The following CNTNAP2 variants were observed in gnomAD, a reference collection of about 807,000 sequenced individuals.
CNTNAP2 encodes contactin associated protein 2.
CNTNAP2 carries 98 observed loss-of-function variants against 155.2 expected under a neutral mutation model. The observed-to-expected ratio is 0.63, with a 90% CI of 0.54 to 0.75. CNTNAP2 has a LOEUF of 0.75. CNTNAP2 is among the 30% of genes least tolerant of loss of function. CNTNAP2 has a pLI of 0.00. For missense variants in CNTNAP2, 1,727 were observed against 1,688.1 expected, an observed-to-expected ratio of 1.02 and a Z score of -0.40; for synonymous variants, 651 against 631.2, an observed-to-expected ratio of 1.03 and a Z score of -0.47.
intron 1 of CNTNAP2, among the ~76,000 whole-genome samples, chr7:146,319,810 G>A (rs546263823): frequency 5.3e-5 from 8 of 152,234 alleles, no homozygotes; most frequent in African/African-American, 1.7e-4. Context: ...TCTGGGCTGT[G>A]TCTGCATTCC....
At chr7:146,672,333 T>C (rs2533076) in intron 1 of CNTNAP2, among the ~76,000 whole-genome samples, 7,513 of 152,312 alleles carry the variant, frequency 0.049, 671 homozygotes, top group African/African-American at 0.17. Flanking sequence ...AGTTGTTTCC[T>C]TGTCCTTCGA....
intron 3 of CNTNAP2, among the ~76,000 whole-genome samples, chr7:147,005,757 T>A (rs1422134386): frequency 1.3e-5 from 2 of 152,098 alleles, no homozygotes; most frequent in African/African-American, 4.8e-5. Context: ...AAGCCACCCT[T>A]GCAAATGGAA....
At chr7:147,708,857 TCTC>T (rs1437548508) in intron 13 of CNTNAP2, among the ~76,000 whole-genome samples, 2 of 152,190 alleles carry the variant, frequency 1.3e-5, no homozygotes, top group Non-Finnish European at 2.9e-5. Context: ...TTTTTGTTCT[TCTC>T]TGTGTAAGAG....
Position 147,132,434 on chromosome 7 carries a change from G to A in CNTNAP2, c.1273G>A (p.Asp425Asn), listed in dbSNP as rs796052373. 1.9e-6 allele frequency: 3 copies of A among 1,613,602 alleles called. No individual in the cohort carries two copies. The highest frequency in any genetic ancestry group is 1.7e-6 in the Non-Finnish European group (2 of 1,179,748). Residue 425 changes from aspartate to asparagine, a missense_variant, in exon 8 of 24, where the codon GAC becomes AAC. Coordinates refer to ENST00000361727, the MANE Select transcript of CNTNAP2 (RefSeq NM_014141.6). ...FADNLGNVEI[D>N]LTESKVGVHI... ...GGATAATTTGGGCAATGTGGAGATT[G>A]ACCTCACTGAAAGCAAAGTGGGTGT...
At chr7:148,287,975 A>G (rs1204663358) in intron 21 of CNTNAP2, among the ~76,000 whole-genome samples, 1 of 151,180 alleles carries the variant, frequency 6.6e-6, no homozygotes, top group Non-Finnish European at 1.5e-5. Flanking sequence ...TATTTTTACT[A>G]GAGATGGGGT....
intron 13 of CNTNAP2, among the ~76,000 whole-genome samples, chr7:147,883,329 G>GAC (rs1215304079): frequency 2.0e-5 from 3 of 152,244 alleles, no homozygotes; most frequent in African/African-American, 7.2e-5. Flanking sequence ...GACAGTGTAA[G>GAC]ACACAAGTAG....
At chr7:147,157,694 G>T (rs553711747) in intron 8 of CNTNAP2, among the ~76,000 whole-genome samples, 1 of 151,968 alleles carries the variant, frequency 6.6e-6, no homozygotes, top group Non-Finnish European at 1.5e-5. Flanking sequence ...ATTTGTCATT[G>T]TTTTGCAAGA....
chr7:148,306,086 T>C (rs1797486788), intron 21 of CNTNAP2, among the ~76,000 whole-genome samples: 1 of 152,238 alleles, frequency 6.6e-6, no homozygotes, highest in East Asian at 1.9e-4. Context: ...TTAATTGAAA[T>C]CAGACTGAAT....
chr7:147,609,577 A>G (rs887222362), intron 12 of CNTNAP2, among the ~76,000 whole-genome samples: 1 of 152,098 alleles, frequency 6.6e-6, no homozygotes, highest in Non-Finnish European at 1.5e-5. Flanking sequence ...GAGACAGACA[A>G]TACAAAATAA....
intron 15 of CNTNAP2, among the ~76,000 whole-genome samples, chr7:148,062,048 T>TGTGC (rs1803167275): frequency 6.7e-6 from 1 of 150,178 alleles, no homozygotes; most frequent in Non-Finnish European, 1.5e-5. Flanking sequence ...TGTGTGTGTG[T>TGTGC]GTGTGTGTGT....
intron 5 of CNTNAP2, among the ~76,000 whole-genome samples, chr7:147,110,570 A>G (rs1006759342): frequency 1.3e-5 from 2 of 151,880 alleles, no homozygotes; most frequent in African/African-American, 2.4e-5. Flanking sequence ...GTTCCTCTCT[A>G]TGTGTCCATA....
At chr7:147,605,598 C>G (rs561180360) in intron 12 of CNTNAP2, among the ~76,000 whole-genome samples, 3 of 152,234 alleles carry the variant, frequency 2.0e-5, no homozygotes, top group African/African-American at 4.8e-5. Flanking sequence ...GTCCGCCCTT[C>G]TTGTGATATA....
intron 1 of CNTNAP2, among the ~76,000 whole-genome samples, chr7:146,513,576 G>A (rs1068271): frequency 0.028 from 4,293 of 151,876 alleles, 201 homozygotes; most frequent in African/African-American, 0.098. Flanking sequence ...ACTATAAAAC[G>A]ATCTTTGAAC....
At chr7:148,162,874 C>A (rs1339066990) in intron 17 of CNTNAP2, among the ~76,000 whole-genome samples, 1 of 152,146 alleles carries the variant, frequency 6.6e-6, no homozygotes, top group Non-Finnish European at 1.5e-5. Context: ...GTGACATGTG[C>A]CTGTAACCCC....
chr7:147,274,174 A>G (rs1804838498), intron 8 of CNTNAP2, among the ~76,000 whole-genome samples: 1 of 152,010 alleles, frequency 6.6e-6, no homozygotes, highest in Non-Finnish European at 1.5e-5. Flanking sequence ...GGGTAGATAC[A>G]CAGTAGTGGG....
chr7:148,038,945 T>C (rs1802620782), intron 15 of CNTNAP2, among the ~76,000 whole-genome samples: 1 of 152,198 alleles, frequency 6.6e-6, no homozygotes, highest in Non-Finnish European at 1.5e-5. Flanking sequence ...ACAGGCCCTC[T>C]TTTTGTTAAA....
chr7:147,346,990 A>G (rs1795874393), intron 9 of CNTNAP2, among the ~76,000 whole-genome samples: 2 of 152,140 alleles, frequency 1.3e-5, no homozygotes, highest in Non-Finnish European at 2.9e-5. Context: ...AACAAAAAAT[A>G]CACACTAGTC....
chr7:146,767,737 A>G (rs959544912), intron 1 of CNTNAP2, among the ~76,000 whole-genome samples: 2 of 152,190 alleles, frequency 1.3e-5, no homozygotes, highest in East Asian at 3.9e-4. Flanking sequence ...GCATACTTCT[A>G]TAACTCTGAA....
chr7:147,638,964 GT>G (rs911238803), intron 12 of CNTNAP2, 141 bp from the exon 13 acceptor site: 1 of 841,998 alleles, frequency 1.2e-6, no homozygotes. Flanking sequence ...AGAGCAGGGG[GT>G]TTTAAGGATT....
Sources: gnomAD v4.1 joint callset for allele counts (sites outside exome capture counted in the v4.1 genomes callset) on GRCh38, gnomAD v4.1.1 for gene constraint, MANE v1.5 for transcripts, NCBI Gene and HGNC (gene_info 2026-07-23, HGNC 2026-07-21) for gene names.